Variants in TPI1 observed in about 807,000 individuals in gnomAD.
The protein encoded by TPI1 is triosephosphate isomerase.
Under a neutral mutation model 31.0 loss-of-function variants are expected in TPI1, and 11 were observed. The observed-to-expected ratio is 0.36, with a 90% CI of 0.22 to 0.59. The LOEUF is 0.59. Among genes scored for constraint, TPI1 ranks in the 20% least tolerant of loss-of-function variants. The pLI, the probability that TPI1 is intolerant of heterozygous loss-of-function variation, is 0.79. For synonymous variants in TPI1, 121 were observed against 122.8 expected, an observed-to-expected ratio of 0.99 and a Z score of 0.10; for missense variants, 245 against 319.7, an observed-to-expected ratio of 0.77 and a Z score of 1.78.
Position 6,868,952 on chromosome 12 carries a change from CA to C in TPI1, c.207del (p.Val70Ter), listed in dbSNP as rs1451819812. 1 of 1,614,086 alleles carries C rather than the reference CA, an allele frequency of 6.2e-7. No individual in the cohort carries two copies. The highest frequency in any genetic ancestry group is 8.5e-7 in the Non-Finnish European group (1 of 1,180,040). ...TTGCTGTGGCTGCGCAGAACTGCTA[CA>C]AAGTGACTAATGGGGCTTTTACTGG... ...KIAVAAQNCY[K>X]VTNGAFTGEI... On this transcript the variant is annotated frameshift_variant, in exon 2 of 7. Coordinates refer to ENST00000396705, the MANE Select transcript of TPI1 (RefSeq NM_000365.6). LOFTEE classifies it high-confidence loss of function.
chr12:6,869,246 G>A lies in TPI1; in HGVS notation c.325-12G>A, dbSNP rs376401954. 8 of 1,613,746 alleles carry A rather than the reference G, an allele frequency of 5.0e-6. No homozygotes were observed. The highest frequency in any genetic ancestry group is 6.8e-6 in the Non-Finnish European group (8 of 1,179,598). ...CCAAGAAGGATGTCTCACCAAGTCT[G>A]TTTCTCAACAGCTGATTGGGCAGAA... On this transcript the variant is annotated splice_polypyrimidine_tract_variant and intron_variant, in intron 3 of 6. Coordinates refer to ENST00000396705, the MANE Select transcript of TPI1 (RefSeq NM_000365.6).
chr12:6,869,109 A>T lies in TPI1; in HGVS notation c.250A>T (p.Ile84Phe), dbSNP rs1565537605. ...CATCTCTTCCTTTAGCCCTGGCATG[A>T]TCAAAGACTGCGGAGCCACGTGGGT... ...AFTGEISPGM[I>F]KDCGATWVVL... Residue 84 changes from isoleucine (I) to phenylalanine (F), a missense_variant, in exon 3 of 7, where the codon ATC (isoleucine) becomes TTC (phenylalanine). Around this residue, in one of 3 missense-constraint regions of TPI1, gnomAD observed 23 missense variants for 59.6 expected, o/e 0.39. Coordinates refer to ENST00000396705, the MANE Select transcript of TPI1 (RefSeq NM_000365.6). The T allele has an allele frequency of 6.2e-7, 1 of 1,614,242 alleles. No individual in the cohort carries two copies. Among genetic ancestry groups the T allele is most frequent in the Non-Finnish European group, 8.5e-7 (1 of 1,180,052 alleles).
Position 6,870,822 on chromosome 12 carries a change from C to T in TPI1, c.*439C>T. On this transcript the variant is annotated 3_prime_UTR_variant, in exon 7 of 7. Transcript: ENST00000396705. Reference sequence around the variant, plus strand: ...CACCCATGTGAGGGAATAAACCTGGCACTAGGTCTTGTGGTTTGTCTGCCT... The same window carrying T: ...CACCCATGTGAGGGAATAAACCTGGTACTAGGTCTTGTGGTTTGTCTGCCT... 1 of 528,474 alleles carries T rather than the reference C, an allele frequency of 1.9e-6. No individual in the cohort carries two copies. Among genetic ancestry groups the T allele is most frequent in the East Asian group, 4.8e-5 (1 of 20,638 alleles). 32.7% of individuals were successfully genotyped at this position (528,474 alleles called of 1,614,324 possible).
In TPI1 at chr12:6,870,312, G is replaced by A. The variant is rs1396813353; in HGVS notation, c.679G>A (p.Val227Met). 5.0e-6 allele frequency: 8 copies of A among 1,614,088 alleles called. No individual in the cohort carries two copies. The highest frequency in any genetic ancestry group is 1.3e-5 in the African/African-American group (1 of 74,924). The change falls in exon 7 of 7, where the codon GTG (valine) becomes ATG (methionine). Residue 227 changes from valine (V) to methionine (M), a missense_variant. Physicochemically the swap from Val to Met is conservative, Grantham distance 21. Around this residue, in one of 3 missense-constraint regions of TPI1, gnomAD observed 127 missense variants for 163.7 expected, o/e 0.78. Transcript: ENST00000396705. ...TCKELASQPD[V>M]DGFLVGGASL... The stretch of plus-strand genomic sequence containing the variant: ...CAAGGAGCTGGCCAGCCAGCCTGAT[G>A]TGGATGGCTTCCTTGTGGGTGGTGC...
intron 4 of TPI1, 90 bp downstream of exon 4, chr12:6,869,480 A>T: frequency 6.3e-7 from 1 of 1,593,926 alleles, no homozygotes; most frequent in Non-Finnish European, 8.6e-7. Context: ...CTTGGTCCCC[A>T]TGCTGATCCA....
At position 6,867,583 on chromosome 12, in the gene TPI1, A is replaced by G. The variant is rs1555131517; in HGVS notation, c.17A>G (p.Lys6Arg). 3.1e-6 allele frequency: 5 copies of G among 1,612,878 alleles called. No homozygotes were observed. The Admixed American group carries it at 6.7e-5, about 22-fold the overall frequency. Residue 6 changes from lysine (K) to arginine (R), a missense_variant, in exon 1 of 7, where the codon AAG becomes AGG. This residue lies in a region of TPI1 where 95 missense variants were observed against 96.4 expected (regional missense o/e 0.99). Transcript: ENST00000396705. ...TCCAGCGCCATGGCGCCCTCCAGGA[A>G]GTTCTTCGTTGGGGGAAACTGGAAG... Reference protein sequence around the residue: MAPSRKFFVGGNWKMN... With the variant: MAPSRRFFVGGNWKMN...
In TPI1 at chr12:6,869,316, T is replaced by A. The variant is rs199881593; in HGVS notation, c.383T>A (p.Ile128Asn). Reference protein sequence around the residue: ...LAEGLGVIACIGEKLDEREAG... With the variant: ...LAEGLGVIACNGEKLDEREAG... ...GAGGGACTCGGAGTAATCGCCTGCATTGGGGAGAAGCTAGATGAAAGGGAA... is the reference window on the plus strand; with the variant it reads ...GAGGGACTCGGAGTAATCGCCTGCAATGGGGAGAAGCTAGATGAAAGGGAA... Residue 128 changes from isoleucine to asparagine, a missense_variant, in exon 4 of 7, where the codon ATT becomes AAT. Around this residue, in one of 3 missense-constraint regions of TPI1, gnomAD observed 127 missense variants for 163.7 expected, o/e 0.78. Transcript: ENST00000396705. The A allele has an allele frequency of 3.7e-6, 6 of 1,613,838 alleles. No individual in the cohort carries two copies. Among genetic ancestry groups the A allele is most frequent in the Non-Finnish European group, 4.2e-6 (5 of 1,179,974 alleles).
Position 6,870,873 on chromosome 12 carries a change from C to G in TPI1, c.*490C>G. 1.7e-6 allele frequency: 1 copy of G among 578,570 alleles called. No individual in the cohort carries two copies. Among genetic ancestry groups the G allele is most frequent in the Non-Finnish European group, 3.2e-6 (1 of 308,348 alleles). 35.8% of individuals were successfully genotyped at this position (578,570 alleles called of 1,614,324 possible). On this transcript the variant is annotated 3_prime_UTR_variant, in exon 7 of 7. Transcript: ENST00000396705. ...TCACTGGACTTGCCCAGATAATCTT[C>G]CTTTTTGAGGCAGCTATATAAATGA...
Position 6,867,596 on chromosome 12 carries a change from G to A in TPI1, c.30G>A (p.Gly10=). 2 of 1,613,112 alleles carry A rather than the reference G, an allele frequency of 1.2e-6. No homozygotes were observed. Among genetic ancestry groups the A allele is most frequent in the Non-Finnish European group, 1.7e-6 (2 of 1,179,788 alleles). ...CGCCCTCCAGGAAGTTCTTCGTTGG[G>A]GGAAACTGGAAGATGAACGGGCGGA... MAPSRKFFV[G]GNWKMNGRKQ... is the part of the protein sequence containing the mutation. The change falls in exon 1 of 7, where the codon GGG becomes GGA. Residue 10 remains glycine (G), a synonymous_variant. Coordinates refer to ENST00000396705, the MANE Select transcript of TPI1 (RefSeq NM_000365.6).
intron 5 of TPI1, 132 bp downstream of exon 5, chr12:6,869,905 G>T: frequency 7.2e-7 from 1 of 1,389,848 alleles, no homozygotes; most frequent in Non-Finnish European, 1.0e-6. Flanking sequence ...ACTTGTCCAA[G>T]GGCATCCAGT....
chr12:6,868,605 G>A, intron 1 of TPI1: 1 of 1,358,216 alleles, frequency 7.4e-7, no homozygotes, highest in Non-Finnish European at 9.6e-7. Flanking sequence ...GAGGAAATTG[G>A]AGCCCCAGCT....
At position 6,869,483 on chromosome 12, in the gene TPI1, C is replaced by G. The variant is rs78922406; in HGVS notation, c.457+93C>G. On this transcript the variant is annotated intron_variant, in intron 4 of 6. Coordinates refer to ENST00000396705, the MANE Select transcript of TPI1 (RefSeq NM_000365.6). ...CCTGGAGCCTGTCTTGGTCCCCATG[C>G]TGATCCAGAAAAGGAAAAAGGGGAG... 3.0e-5 allele frequency: 47 copies of G among 1,591,062 alleles called. No individual in the cohort carries two copies. The East Asian group carries it at 4.9e-4, about 17-fold the overall frequency.
At chr12:6,869,628 A>G in intron 4 of TPI1, 60 bp from the exon 5 acceptor site, 1 of 1,595,636 alleles carries the variant, frequency 6.3e-7, no homozygotes, top group South Asian at 1.1e-5. Context: ...ACTCCGGAGA[A>G]CCTGGCTGGA....
intron 4 of TPI1, 52 bp from the exon 5 acceptor site, chr12:6,869,636 G>A (rs1724978987): frequency 5.0e-6 from 8 of 1,601,884 alleles, no homozygotes; most frequent in African/African-American, 1.3e-5. Flanking sequence ...GAACCTGGCT[G>A]GAGAGCTCTT....
At chr12:6,867,731 G>T in intron 1 of TPI1, 50 bp downstream of exon 1, 2 of 1,515,828 alleles carry the variant, frequency 1.3e-6, no homozygotes, top group Non-Finnish European at 1.8e-6. Context: ...CGGGGCCGGG[G>T]CAGGAGTGGC....
intron 1 of TPI1, chr12:6,868,045 T>G: frequency 1.6e-6 from 2 of 1,221,638 alleles, no homozygotes; most frequent in Non-Finnish European, 2.1e-6. Context: ...CCGCGTGGGC[T>G]TCCCGCTCCC....
rs782274007 is a variant in TPI1 at position 6,869,646 on chromosome 12, T to G, written c.458-42T>G. On this transcript the variant is annotated intron_variant, in intron 4 of 6. Coordinates refer to ENST00000396705, the MANE Select transcript of TPI1 (RefSeq NM_000365.6). ...CCGGAGAACCTGGCTGGAGAGCTCTTTCTTGTTCACCCTTCCCTCCATCTG... is the reference window on the plus strand; with the variant it reads ...CCGGAGAACCTGGCTGGAGAGCTCTGTCTTGTTCACCCTTCCCTCCATCTG... 7.5e-6 allele frequency: 12 copies of G among 1,609,618 alleles called. No homozygotes were observed. The Admixed American group carries it at 8.3e-5, about 11-fold the overall frequency.
At chr12:6,869,994 T>C in intron 5 of TPI1, 55 bp from the exon 6 acceptor site, 1 of 1,593,728 alleles carries the variant, frequency 6.3e-7, no homozygotes, top group South Asian at 1.1e-5. Context: ...GTGCCAGTGA[T>C]TTTTCCTCTT....
chr12:6,870,046 T>C lies in TPI1; in HGVS notation c.544-3T>C. ...TCTTACTTAGGCCAGCTTCTTGTTC[T>C]AGGCCCAGGAAGTACACGAGAAGCT... On this transcript the variant is annotated splice_region_variant and splice_polypyrimidine_tract_variant and intron_variant, in intron 5 of 6. Coordinates refer to ENST00000396705, the MANE Select transcript of TPI1 (RefSeq NM_000365.6). 6.2e-7 allele frequency: 1 copy of C among 1,606,186 alleles called. No homozygotes were observed. The highest frequency in any genetic ancestry group is 8.5e-7 in the Non-Finnish European group (1 of 1,172,354).
Sources: allele counts gnomAD v4.1 joint callset, GRCh38; gene constraint gnomAD v4.1.1; regional missense constraint gnomAD v4.1.1; transcripts MANE v1.5; gene names NCBI Gene and HGNC (gene_info 2026-07-23, HGNC 2026-07-21).